Variants in CAMKMT observed in about 807,000 individuals in gnomAD.
CAMKMT encodes the protein calmodulin-lysine N-methyltransferase.
In CAMKMT, 53 loss-of-function variants were observed where a neutral mutation model predicts 48.0. The ratio of observed to expected loss-of-function variants is 1.10; its 90% CI spans 0.89 to 1.39. CAMKMT has a LOEUF of 1.39. Ranked by LOEUF, CAMKMT falls within the 40% of genes most tolerant of loss-of-function variation. The pLI is 0.00. For missense variants in CAMKMT, 428 were observed against 402.7 expected, an observed-to-expected ratio of 1.06 and a Z score of -0.54; for synonymous variants, 165 against 152.3, an observed-to-expected ratio of 1.08 and a Z score of -0.61.
chr2:44,640,710 G>T (rs1034499468), intron 3 of CAMKMT, among the ~76,000 whole-genome samples: 2 of 152,058 alleles, frequency 1.3e-5, no homozygotes, highest in East Asian at 1.9e-4. Context: ...TAATAATGTC[G>T]TTATTCAACC....
chr2:44,644,142 A>G (rs1673602857), intron 3 of CAMKMT, among the ~76,000 whole-genome samples: 1 of 152,226 alleles, frequency 6.6e-6, no homozygotes, highest in Non-Finnish European at 1.5e-5. Flanking sequence ...ACAAGTGCCG[A>G]GGAATCTGAA....
At chr2:44,395,046 A>T (rs112575526) in intron 3 of CAMKMT, 5 of 442,992 alleles carry the variant, frequency 1.1e-5, no homozygotes, top group African/African-American at 6.1e-5. Context: ...AGGAAAAAAA[A>T]TTATATGTTT....
At chr2:44,675,817 A>G (rs1227136055) in intron 3 of CAMKMT, among the ~76,000 whole-genome samples, 5 of 152,126 alleles carry the variant, frequency 3.3e-5, no homozygotes, top group Admixed American at 2.0e-4. Flanking sequence ...CCATTAAACA[A>G]TAGCTCTCCA....
intron 3 of CAMKMT, among the ~76,000 whole-genome samples, chr2:44,627,443 A>T (rs149582618): frequency 3.9e-5 from 6 of 152,164 alleles, no homozygotes; most frequent in Non-Finnish European, 7.4e-5. Context: ...TTTCTGAAAA[A>T]ATTTACAGAA....
chr2:44,668,228 C>T (rs961119461), intron 3 of CAMKMT, among the ~76,000 whole-genome samples: 2 of 152,178 alleles, frequency 1.3e-5, no homozygotes, highest in African/African-American at 4.8e-5. Context: ...CTTCATTTCC[C>T]ATCACTAGAG....
At chr2:44,450,633 AT>A (rs1459384112) in intron 3 of CAMKMT, among the ~76,000 whole-genome samples, 5 of 152,124 alleles carry the variant, frequency 3.3e-5, no homozygotes, top group African/African-American at 9.7e-5. Flanking sequence ...ATTAAAGCTA[AT>A]TTCAGTTTTG....
At chr2:44,716,815 T>C (rs1003583568) in intron 7 of CAMKMT, among the ~76,000 whole-genome samples, 2 of 152,238 alleles carry the variant, frequency 1.3e-5, no homozygotes, top group African/African-American at 2.4e-5. Context: ...TTTAAGGTCA[T>C]TTGTGAGCAT....
chr2:44,572,044 C>G (rs541321455), intron 3 of CAMKMT, among the ~76,000 whole-genome samples: 3 of 152,224 alleles, frequency 2.0e-5, no homozygotes, highest in East Asian at 3.9e-4. Flanking sequence ...TTCAGTGGCA[C>G]TAAGTATATT....
intron 10 of CAMKMT, among the ~76,000 whole-genome samples, chr2:44,768,064 T>C (rs1028635732): frequency 2.6e-5 from 4 of 152,158 alleles, no homozygotes; most frequent in Non-Finnish European, 5.9e-5. Context: ...CTCTCCTCTG[T>C]CTGGAACTTT....
At chr2:44,564,268 C>T (rs1038437681) in intron 3 of CAMKMT, among the ~76,000 whole-genome samples, 21 of 151,558 alleles carry the variant, frequency 1.4e-4, no homozygotes, top group East Asian at 3.9e-4. Flanking sequence ...CTCCGCCTTC[C>T]GGGTTCAAGC....
At chr2:44,733,835 T>G (rs1679211160) in intron 7 of CAMKMT, among the ~76,000 whole-genome samples, 1 of 152,182 alleles carries the variant, frequency 6.6e-6, no homozygotes, top group African/African-American at 2.4e-5. Flanking sequence ...CATATGTATA[T>G]TATGGACAAC....
At chr2:44,505,691 G>A (rs1670222380) in intron 3 of CAMKMT, among the ~76,000 whole-genome samples, 1 of 152,062 alleles carries the variant, frequency 6.6e-6, no homozygotes, top group South Asian at 2.1e-4. Flanking sequence ...CGGAAAAGGA[G>A]GAGTTTGTCT....
At chr2:44,682,247 A>T (rs2104180720) in intron 3 of CAMKMT, among the ~76,000 whole-genome samples, 1 of 152,318 alleles carries the variant, frequency 6.6e-6, no homozygotes, top group African/African-American at 2.4e-5. Context: ...GAAATGTGTA[A>T]CATTTTTCAA....
At chr2:44,593,763 CTTT>C (rs61603790) in intron 3 of CAMKMT, among the ~76,000 whole-genome samples, 1 of 122,686 alleles carries the variant, frequency 8.2e-6, no homozygotes. Context: ...AGACAACTTC[CTTT>C]TTTTTTTTTT....
chr2:44,640,875 G>A (rs762770645), intron 3 of CAMKMT, among the ~76,000 whole-genome samples: 15 of 152,010 alleles, frequency 9.9e-5, no homozygotes, highest in Admixed American at 1.3e-4. Context: ...AAGCCTTTTC[G>A]AACATCTAAG....
intron 3 of CAMKMT, among the ~76,000 whole-genome samples, chr2:44,533,442 T>A (rs1666597841): frequency 6.6e-6 from 1 of 152,110 alleles, no homozygotes; most frequent in African/African-American, 2.4e-5. Context: ...TTTCACCATG[T>A]TGGCCAGGCT....
chr2:44,574,152 T>C (rs11124992), intron 3 of CAMKMT, among the ~76,000 whole-genome samples: 95,923 of 151,996 alleles, frequency 0.63, 30,766 homozygotes, highest in Admixed American at 0.7. Context: ...ATGAAGGAAA[T>C]GTTTAGACTT....
intron 3 of CAMKMT, among the ~76,000 whole-genome samples, chr2:44,527,127 C>G (rs1160013836): frequency 2.1e-5 from 3 of 143,680 alleles, no homozygotes; most frequent in East Asian, 4.1e-4. Flanking sequence ...GGGTCTTGCT[C>G]TGTCACCCAA....
At chr2:44,466,074 T>C (rs1031587289) in intron 3 of CAMKMT, among the ~76,000 whole-genome samples, 1 of 152,150 alleles carries the variant, frequency 6.6e-6, no homozygotes, top group Non-Finnish European at 1.5e-5. Context: ...AGTAACGCAG[T>C]TAACAGTAGG....
Sources: gnomAD v4.1 joint callset for allele counts (sites outside exome capture counted in the v4.1 genomes callset) on GRCh38, gnomAD v4.1.1 for gene constraint, MANE v1.5 for transcripts, NCBI Gene and HGNC (gene_info 2026-07-23, HGNC 2026-07-21) for gene names.